Variants in DIP2B observed in about 807,000 individuals in gnomAD.
DIP2B encodes disco-interacting protein 2 homolog B.
A neutral mutation model predicts 198.0 loss-of-function variants in DIP2B; 76 were observed. That is an observed-to-expected ratio of 0.38 (90% CI 0.32 to 0.46). The LOEUF (loss-of-function observed/expected upper bound fraction) is 0.46. Ranked by LOEUF, DIP2B falls within the 20% of genes least tolerant of loss-of-function variation. The pLI is 0.99. For missense variants in DIP2B, 1,559 were observed against 1,978.4 expected, an observed-to-expected ratio of 0.79 and a Z score of 4.02; for synonymous variants, 701 against 739.1, an observed-to-expected ratio of 0.95 and a Z score of 0.84.
intron 5 of DIP2B, 38 bp downstream of exon 5, chr12:50,671,436 T>G: frequency 6.3e-7 from 1 of 1,597,036 alleles, no homozygotes; most frequent in Non-Finnish European, 8.6e-7. Flanking sequence ...CAAATTACAT[T>G]CCATTTGGCT....
chr12:50,735,303 GA>G (rs1940117275), intron 34 of DIP2B, among the ~76,000 whole-genome samples, 173 bp downstream of exon 34: 2 of 152,080 alleles, frequency 1.3e-5, no homozygotes, highest in Non-Finnish European at 1.5e-5. Flanking sequence ...TAGATAAGAA[GA>G]ATAGTAAATT....
At chr12:50,567,109 CA>C (rs1593615008) in intron 1 of DIP2B, among the ~76,000 whole-genome samples, 1 of 151,592 alleles carries the variant, frequency 6.6e-6, no homozygotes, top group East Asian at 1.9e-4. Context: ...TTATTTGACA[CA>C]CTTTTCTGTT....
chr12:50,645,313 T>C (rs912636949), intron 3 of DIP2B, among the ~76,000 whole-genome samples: 5 of 152,208 alleles, frequency 3.3e-5, no homozygotes, highest in African/African-American at 9.6e-5. Flanking sequence ...CACAAAGATA[T>C]ATACATACAT....
Position 50,718,928 on chromosome 12 carries a change from A to G in DIP2B, c.2962-27A>G, listed in dbSNP as rs376750962. The G allele has an allele frequency of 9.6e-5, 155 of 1,613,974 alleles. No homozygotes were observed. The African/African-American group carries it at 1.9e-3, about 19-fold the overall frequency. On this transcript the variant is annotated intron_variant, in intron 24 of 37. Coordinates refer to ENST00000301180, the MANE Select transcript of DIP2B (RefSeq NM_173602.3). ...GACTTGTTATAAGTTGCTGACCCTG[A>G]GTCCTTTTTCTGGTTTATGACTTCA... is the stretch of plus-strand genomic sequence containing the variant.
Position 50,728,415 on chromosome 12 carries a change from G to T in DIP2B, c.3511-133G>T. ...TTCCCTTAATGGAGTCTTAGATTAG[G>T]CTTTGAAGCACTAAAAATTATGCAT... is the stretch of plus-strand genomic sequence containing the variant. On this transcript the variant is annotated intron_variant, in intron 29 of 37. Coordinates refer to ENST00000301180, the MANE Select transcript of DIP2B (RefSeq NM_173602.3). The T allele has an allele frequency of 2.8e-6, 3 of 1,061,230 alleles. No homozygotes were observed. In the South Asian group the frequency reaches 6.5e-5, roughly 23 times the overall value. The allele number at this position is 1,061,230 out of a possible 1,614,324, so 65.7% of individuals were successfully genotyped here.
chr12:50,620,428 G>A (rs1378556605), intron 1 of DIP2B, among the ~76,000 whole-genome samples: 1 of 152,182 alleles, frequency 6.6e-6, no homozygotes, highest in Non-Finnish European at 1.5e-5. Flanking sequence ...GCTGCTGGCT[G>A]CTGAAGACTG....
At chr12:50,615,185 C>T (rs989092622) in intron 1 of DIP2B, among the ~76,000 whole-genome samples, 1 of 151,920 alleles carries the variant, frequency 6.6e-6, no homozygotes, top group Admixed American at 6.6e-5. Context: ...TTCTAATCTT[C>T]AGAGAAAAAT....
chr12:50,689,067 T>C (rs946197554), intron 12 of DIP2B, among the ~76,000 whole-genome samples: 7 of 152,118 alleles, frequency 4.6e-5, no homozygotes, highest in Non-Finnish European at 1.0e-4. Context: ...AGAATGAATT[T>C]ATTATAAGAA....
At chr12:50,531,475 C>T (rs1412495407) in intron 1 of DIP2B, among the ~76,000 whole-genome samples, 4 of 152,168 alleles carry the variant, frequency 2.6e-5, no homozygotes, top group Non-Finnish European at 5.9e-5. Flanking sequence ...GGGAGAAGAG[C>T]AAAACAACAA....
At chr12:50,720,088 G>C (rs993901674) in intron 25 of DIP2B, among the ~76,000 whole-genome samples, 1 of 151,088 alleles carries the variant, frequency 6.6e-6, no homozygotes, top group Non-Finnish European at 1.5e-5. Flanking sequence ...CCACCACCAG[G>C]CCCAGCTGAT....
rs1020478738 is a variant in DIP2B at position 50,745,786 on chromosome 12, T to C, written c.*947T>C. The stretch of plus-strand genomic sequence containing the variant: ...CCACAATAACTTACTCTGGCCCCAG[T>C]GTTAAAACGATCTTTCAGATTTAGA... On this transcript the variant is annotated 3_prime_UTR_variant, in exon 38 of 38. Coordinates refer to ENST00000301180, the MANE Select transcript of DIP2B (RefSeq NM_173602.3). The C allele has an allele frequency of 6.6e-6, 1 of 152,502 alleles. No individual in the cohort carries two copies. Among genetic ancestry groups the C allele is most frequent in the African/African-American group, 2.4e-5 (1 of 41,476 alleles). The allele number at this position is 152,502 out of a possible 1,614,324, so 9.4% of individuals were successfully genotyped here. A position where few individuals can be genotyped will look rare whatever the true frequency, so the allele number is the denominator to read the frequency against.
intron 1 of DIP2B, among the ~76,000 whole-genome samples, chr12:50,523,225 G>A (rs1001215467): frequency 2.0e-5 from 3 of 152,218 alleles, no homozygotes; most frequent in Admixed American, 1.3e-4. Context: ...TGCATGTAAC[G>A]TAAGCACATC....
chr12:50,683,104 C>T (rs771473998), intron 9 of DIP2B, 34 bp from the exon 10 acceptor site: 9 of 1,515,686 alleles, frequency 5.9e-6, no homozygotes, highest in Non-Finnish European at 8.1e-6. Context: ...TGTTTTTATT[C>T]CTCTGTTAAA....
chr12:50,706,602 A>G lies in DIP2B; in HGVS notation c.2471A>G (p.Asn824Ser), dbSNP rs1490532581. ...GLLMVSGRRH[N>S]ADDIVATGLA... The stretch of plus-strand genomic sequence containing the variant: ...CTGATGGTTAGTGGTCGAAGACATA[A>G]TGCTGATGACATTGTTGCTACTGGA... Residue 824 changes from asparagine (N) to serine (S), a missense_variant, in exon 21 of 38, where the codon AAT becomes AGT. By Grantham distance (46) the Asn-to-Ser change is conservative (BLOSUM62 1). Transcript: ENST00000301180. 3 of 1,614,146 alleles carry G rather than the reference A, an allele frequency of 1.9e-6. No homozygotes were observed. Among genetic ancestry groups the G allele is most frequent in the Non-Finnish European group, 2.5e-6 (3 of 1,179,994 alleles).
chr12:50,629,952 T>A lies in DIP2B; in HGVS notation c.172+3905T>A, dbSNP rs948819390. On this transcript the variant is annotated intron_variant, in intron 2 of 37. Coordinates refer to ENST00000301180, the MANE Select transcript of DIP2B (RefSeq NM_173602.3). ...AGCCAGTTTTGGTAAATTTAATTTTTTTTTTTTTTTTTTTAATGAGACAGT... is the reference window on the plus strand; with the variant it reads ...AGCCAGTTTTGGTAAATTTAATTTTATTTTTTTTTTTTTTAATGAGACAGT... Among the ~76,000 whole-genome samples, 5 of 134,910 alleles carry A rather than the reference T, an allele frequency of 3.7e-5. No individual in the cohort carries two copies. The South Asian group carries it at 1.1e-3, about 30-fold the overall frequency. The allele number at this position is 134,910 out of a possible 152,430, so 88.5% of individuals were successfully genotyped here. A position where few individuals can be genotyped will look rare whatever the true frequency, so the allele number is the denominator to read the frequency against.
intron 2 of DIP2B, among the ~76,000 whole-genome samples, chr12:50,635,866 T>C (rs1938151004): frequency 6.6e-6 from 1 of 152,204 alleles, no homozygotes; most frequent in Admixed American, 6.5e-5. Context: ...AACATTTTTG[T>C]GTTTATTTTT....
intron 22 of DIP2B, 81 bp from the exon 23 acceptor site, chr12:50,714,314 G>T (rs757166660): frequency 1.1e-5 from 17 of 1,538,444 alleles, no homozygotes; most frequent in Middle Eastern, 1.7e-4. Flanking sequence ...AAATTGTAGC[G>T]TAAAATAATG....
intron 1 of DIP2B, among the ~76,000 whole-genome samples, chr12:50,576,636 G>A (rs1467976236): frequency 6.6e-6 from 1 of 151,126 alleles, no homozygotes; most frequent in African/African-American, 2.4e-5. Context: ...CCGTCACCAC[G>A]CCTGGCTAAT....
At chr12:50,619,619 T>C (rs1937765863) in intron 1 of DIP2B, among the ~76,000 whole-genome samples, 1 of 152,238 alleles carries the variant, frequency 6.6e-6, no homozygotes. Flanking sequence ...GCCTCTTCTC[T>C]GCGACATAAT....
Sources: gnomAD v4.1 joint callset for allele counts (sites outside exome capture counted in the v4.1 genomes callset) on GRCh38, gnomAD v4.1.1 for gene constraint, MANE v1.5 for transcripts, NCBI Gene and HGNC (gene_info 2026-07-23, HGNC 2026-07-21) for gene names.